Variants in KRTAP24-1 observed in about 807,000 individuals in gnomAD.
KRTAP24-1 encodes the protein keratin associated protein 24-1, also known as keratin-associated protein 24-1.
For synonymous variants in KRTAP24-1, 133 were observed against 116.3 expected (o/e 1.14, Z -0.92); for missense variants, 344 against 303.2 (o/e 1.13, Z -1.00).
chr21:30,282,347 T>A lies in KRTAP24-1; in HGVS notation c.586A>T (p.Asn196Tyr). The A allele has an allele frequency of 1.9e-6, 3 of 1,614,164 alleles. No homozygotes were observed. Among genetic ancestry groups the A allele is most frequent in the East Asian group, 2.2e-5 (1 of 44,870 alleles). Residue 196 changes from asparagine (N) to tyrosine (Y), a missense_variant, in exon 1 of 1, where the codon AAC (asparagine) becomes TAC (tyrosine). Transcript: ENST00000340345. ...AAATAGCTTTGGGGTTGGCAGCTGT[T>A]GGAAATATAACATAATGGTGAGACG... is the stretch of plus-strand genomic sequence containing the variant. ...SYVSPLCYIS[N>Y]SCQPQSYLVR... is the part of the protein sequence containing the mutation.
Position 30,282,512 on chromosome 21 carries a change from C to T in KRTAP24-1, c.421G>A (p.Ala141Thr), listed in dbSNP as rs201746621. 9.5e-5 allele frequency: 154 copies of T among 1,613,408 alleles called. No individual in the cohort carries two copies. The African/African-American group carries it at 1.4e-3, about 15-fold the overall frequency. Residue 141 changes from alanine (A) to threonine (T), a missense_variant, in exon 1 of 1, where the codon GCC becomes ACC. By Grantham distance (58) the Ala-to-Thr change is moderately conservative. Transcript: ENST00000340345. ...GAACCGTTGCGGAGGGTTTGGCAGG[C>T]TTTGGATGCATTTCGAGTGGGTATG... ...CHIPTRNASK[A>T]CQTLRNGSNC...
chr21:30,282,740 AG>A, the KRTAP24-1 span: 1 of 1,614,052 alleles, frequency 6.2e-7, no homozygotes, highest in Non-Finnish European at 8.5e-7. Context: ...GCTTCACCGT[AG>A]GATTCTTGGC....
Position 30,282,620 on chromosome 21 carries a change from T to C in KRTAP24-1, c.313A>G (p.Ser105Gly). 1 of 1,589,096 alleles carries C rather than the reference T, an allele frequency of 6.3e-7. No individual in the cohort carries two copies. The highest frequency in any genetic ancestry group is 1.3e-5 in the African/African-American group (1 of 74,526). Residue 105 changes from serine (S) to glycine (G), a missense_variant, in exon 1 of 1, where the codon AGT becomes GGT. By Grantham distance (56) the Ser-to-Gly change is moderately conservative. Coordinates refer to ENST00000340345, the MANE Select transcript of KRTAP24-1 (RefSeq NM_001085455.3). ...CNSPSAGQVF[S>G]VCETTNVSPS... ...CTGACGTTGGTAGTTTCACAGACAC[T>C]GAAGACTTGGCCTGCTGATGGGGAG...
Position 30,282,144 on chromosome 21 carries a change from G to T in KRTAP24-1, c.*24C>A. On this transcript the variant is annotated 3_prime_UTR_variant, in exon 1 of 1. Coordinates refer to ENST00000340345, the MANE Select transcript of KRTAP24-1 (RefSeq NM_001085455.3). ...AATCTTCCCCATTGGGCAATTTCCA[G>T]CTGCTATAAATTCTGGAAGTTGGTC... The T allele has an allele frequency of 6.3e-7, 1 of 1,587,436 alleles. No individual in the cohort carries two copies.
chr21:30,282,029 C>T lies in KRTAP24-1; in HGVS notation c.*139G>A. On this transcript the variant is annotated 3_prime_UTR_variant, in exon 1 of 1. Coordinates refer to ENST00000340345, the MANE Select transcript of KRTAP24-1 (RefSeq NM_001085455.3). Reference sequence around the variant, plus strand: ...GGTGATACTGGCTGTGGTTAATAAACCTGGGAGTTGTATTTGAACTTAATG... The same window carrying T: ...GGTGATACTGGCTGTGGTTAATAAATCTGGGAGTTGTATTTGAACTTAATG... The T allele has an allele frequency of 5.8e-6, 5 of 860,282 alleles. No homozygotes were observed. The South Asian group carries it at 7.2e-5, about 12-fold the overall frequency. The allele number at this position is 860,282 out of a possible 1,614,324, so 53.3% of individuals were successfully genotyped here. A position where few individuals can be genotyped will look rare whatever the true frequency, so the allele number is the denominator to read the frequency against.
Position 30,282,724 on chromosome 21 carries a change from G to A in KRTAP24-1, c.209C>T (p.Thr70Ile). 1 of 1,613,926 alleles carries A rather than the reference G, an allele frequency of 6.2e-7. No homozygotes were observed. ...GGGCTCACAGCTGGGAGATTTGCAGGTTGGTGCTTCACCGTAGGATTCTTG... is the reference window on the plus strand; with the variant it reads ...GGGCTCACAGCTGGGAGATTTGCAGATTGGTGCTTCACCGTAGGATTCTTG... ...YCQESYGEAP[T>I]CKSPSCEPKT... Residue 70 changes from threonine (T) to isoleucine (I), a missense_variant, in exon 1 of 1, where the codon ACC (threonine) becomes ATC (isoleucine). Coordinates refer to ENST00000340345, the MANE Select transcript of KRTAP24-1 (RefSeq NM_001085455.3).
Position 30,281,991 on chromosome 21 carries a change from A to C in KRTAP24-1, c.*177T>G. 1.6e-6 allele frequency: 1 copy of C among 623,064 alleles called. No individual in the cohort carries two copies. Among genetic ancestry groups the C allele is most frequent in the Admixed American group, 3.2e-5 (1 of 31,452 alleles). The allele number at this position is 623,064 out of a possible 1,614,324, so 38.6% of individuals were successfully genotyped here. On this transcript the variant is annotated 3_prime_UTR_variant, in exon 1 of 1. Transcript: ENST00000340345. ...GAGCAATAACAGAACAACAGAAAAA[A>C]GAAAACCTAGCAGGTGATACTGGCT...
Position 30,282,685 on chromosome 21 carries a change from G to C in KRTAP24-1, c.248C>G (p.Thr83Ser), listed in dbSNP as rs1980751494. The change falls in exon 1 of 1, where the codon ACC (threonine) becomes AGC (serine). Residue 83 changes from threonine (T) to serine (S), a missense_variant. Coordinates refer to ENST00000340345, the MANE Select transcript of KRTAP24-1 (RefSeq NM_001085455.3). ...GGAGTTTGACGGGTCACAACCAGTG[G>C]TACTGCAGGTCTTGGGCTCACAGCT... is the stretch of plus-strand genomic sequence containing the variant. Reference protein sequence around the residue: ...SPSCEPKTCSTTGCDPSNSSV... With the variant: ...SPSCEPKTCSSTGCDPSNSSV... The C allele has an allele frequency of 6.2e-7, 1 of 1,611,080 alleles. No homozygotes were observed. Among genetic ancestry groups the C allele is most frequent in the African/African-American group, 1.3e-5 (1 of 74,892 alleles).
rs954859704 is a variant in KRTAP24-1, at chr21:30,281,966, G to C, written c.*202C>G. ...CTTCAGGGTCAGCTTTTAGTACAAAGAGCAATAACAGAACAACAGAAAAAA... is the reference window on the plus strand; with the variant it reads ...CTTCAGGGTCAGCTTTTAGTACAAACAGCAATAACAGAACAACAGAAAAAA... On this transcript the variant is annotated 3_prime_UTR_variant, in exon 1 of 1. Transcript: ENST00000340345. 75 of 568,714 alleles carry C rather than the reference G, an allele frequency of 1.3e-4. No individual in the cohort carries two copies. The highest frequency in any genetic ancestry group is 4.6e-4 in the Middle Eastern group (1 of 2,184). The allele number at this position is 568,714 out of a possible 1,614,324, so 35.2% of individuals were successfully genotyped here. A position where few individuals can be genotyped will look rare whatever the true frequency, so the allele number is the denominator to read the frequency against.
Position 30,282,657 on chromosome 21 carries a change from A to G in KRTAP24-1, c.276T>C (p.Ser92=), listed in dbSNP as rs780691889. ...CTGCTGATGGGGAGTTGCAGGGCAC[A>G]GAGGAGTTTGACGGGTCACAACCAG... ...STTGCDPSNS[S]VPCNSPSAGQ... is the part of the protein sequence containing the mutation. The change falls in exon 1 of 1, where the codon TCT becomes TCC. Residue 92 remains serine, a synonymous_variant. Coordinates refer to ENST00000340345, the MANE Select transcript of KRTAP24-1 (RefSeq NM_001085455.3). The G allele has an allele frequency of 1.3e-5, 21 of 1,601,806 alleles. No homozygotes were observed. The highest frequency in any genetic ancestry group is 1.7e-5 in the Non-Finnish European group (20 of 1,173,960).
Position 30,282,843 on chromosome 21 carries a change from A to G in KRTAP24-1, c.90T>C (p.Ser30=), listed in dbSNP as rs748672020. 6.2e-7 allele frequency: 1 copy of G among 1,613,928 alleles called. No homozygotes were observed. Among genetic ancestry groups the G allele is most frequent in the South Asian group, 1.1e-5 (1 of 91,082 alleles). Residue 30 remains serine, a synonymous_variant, in exon 1 of 1, where the codon TCT becomes TCC. Coordinates refer to ENST00000340345, the MANE Select transcript of KRTAP24-1 (RefSeq NM_001085455.3). ...YRTHCYIPVT[S]SVTLSSSDLS... ...AATCACTGGAGCTAAGAGTAACAGA[A>G]GAGGTCACTGGGATATAACAGTGAG...
At position 30,281,606 on chromosome 21, in the gene KRTAP24-1, C is replaced by T. The variant is rs1441485873; in HGVS notation, c.*562G>A. 1 of 152,404 alleles carries T rather than the reference C, an allele frequency of 6.6e-6. No homozygotes were observed. The highest frequency in any genetic ancestry group is 1.9e-4 in the East Asian group (1 of 5,202). The allele number at this position is 152,404 out of a possible 1,614,324, so 9.4% of individuals were successfully genotyped here. A position where few individuals can be genotyped will look rare whatever the true frequency, so the allele number is the denominator to read the frequency against. ...TATTTTTGAGCTCTAGTCACCATTG[C>T]TATTTGCCTGTTCTTACAATCAATC... On this transcript the variant is annotated 3_prime_UTR_variant, in exon 1 of 1. Transcript: ENST00000340345.
In KRTAP24-1 at chr21:30,282,457, G is replaced by A; in HGVS notation, c.476C>T (p.Ser159Phe). ...SNCFGQLNCL[S>F]KSFQTLNHCR... The stretch of plus-strand genomic sequence containing the variant: ...GTGGTTTAGAGTTTGGAAACTCTTG[G>A]ATAAGCAGTTAAGTTGTCCAAAGCA... Residue 159 changes from serine (S) to phenylalanine (F), a missense_variant, in exon 1 of 1, where the codon TCC (serine) becomes TTC (phenylalanine). Ser to Phe is a radical substitution (Grantham distance 155). Coordinates refer to ENST00000340345, the MANE Select transcript of KRTAP24-1 (RefSeq NM_001085455.3). The A allele has an allele frequency of 6.2e-7, 1 of 1,614,178 alleles. No homozygotes were observed. The highest frequency in any genetic ancestry group is 8.5e-7 in the Non-Finnish European group (1 of 1,180,012).
chr21:30,282,364 G>T lies in KRTAP24-1; in HGVS notation c.569C>A (p.Pro190Gln), dbSNP rs1292246129. Residue 190 changes from proline (P) to glutamine (Q), a missense_variant, in exon 1 of 1, where the codon CCA (proline) becomes CAA (glutamine). Pro to Gln is a moderately conservative substitution (Grantham distance 76). Transcript: ENST00000340345. Reference protein sequence around the residue: ...NPCFIPSYVSPLCYISNSCQP... With the variant: ...NPCFIPSYVSQLCYISNSCQP... ...GCAGCTGTTGGAAATATAACATAAT[G>T]GTGAGACGTAGCTGGGTATGAAGCA... is the stretch of plus-strand genomic sequence containing the variant. 1 of 1,614,100 alleles carries T rather than the reference G, an allele frequency of 6.2e-7. No homozygotes were observed. The highest frequency in any genetic ancestry group is 8.5e-7 in the Non-Finnish European group (1 of 1,180,010).
rs752843098 is a variant in KRTAP24-1, at chr21:30,282,581, A to AGCTGGG, written c.346_351dup (p.Pro116_Ser117dup). The AGCTGGG allele has an allele frequency of 3.8e-6, 6 of 1,593,798 alleles. No individual in the cohort carries two copies. The South Asian group carries it at 6.9e-5, about 18-fold the overall frequency. The stretch of plus-strand genomic sequence containing the variant: ...CCATTGGTCTGGGTGCTTGGGCTGC[A>AGCTGGG]GCTGGGGCTGGGGCTGACGTTGGTA... On this transcript the variant is annotated inframe_insertion, in exon 1 of 1. Coordinates refer to ENST00000340345, the MANE Select transcript of KRTAP24-1 (RefSeq NM_001085455.3).
In KRTAP24-1 at chr21:30,282,481, C is replaced by T; in HGVS notation, c.452G>A (p.Cys151Tyr). ...GGATAAGCAGTTAAGTTGTCCAAAG[C>T]AGTTGGAACCGTTGCGGAGGGTTTG... ...ACQTLRNGSN[C>Y]FGQLNCLSKS... Residue 151 changes from cysteine (C) to tyrosine (Y), a missense_variant, in exon 1 of 1, where the codon TGC becomes TAC. Coordinates refer to ENST00000340345, the MANE Select transcript of KRTAP24-1 (RefSeq NM_001085455.3). 1 of 1,614,106 alleles carries T rather than the reference C, an allele frequency of 6.2e-7. No homozygotes were observed. Among genetic ancestry groups the T allele is most frequent in the Non-Finnish European group, 8.5e-7 (1 of 1,179,986 alleles).
the KRTAP24-1 span, chr21:30,282,357 A>T: frequency 6.2e-7 from 1 of 1,614,164 alleles, no homozygotes; most frequent in Admixed American, 1.7e-5. Context: ...TGGAAATATA[A>T]CATAATGGTG....
rs897949922 is a variant in KRTAP24-1 at position 30,282,859 on chromosome 21, T to C, written c.74A>G (p.Tyr25Cys). 1.2e-6 allele frequency: 2 copies of C among 1,613,786 alleles called. No homozygotes were observed. Among genetic ancestry groups the C allele is most frequent in the Non-Finnish European group, 1.7e-6 (2 of 1,179,744 alleles). ...AGTAACAGAAGAGGTCACTGGGATATAACAGTGAGTTCTGTATGATGTGGT... is the reference window on the plus strand; with the variant it reads ...AGTAACAGAAGAGGTCACTGGGATACAACAGTGAGTTCTGTATGATGTGGT... ...CSTTSYRTHC[Y>C]IPVTSSVTLS... Residue 25 changes from tyrosine to cysteine, a missense_variant, in exon 1 of 1, where the codon TAT becomes TGT. Physicochemically the swap from Tyr to Cys is radical, Grantham distance 194. Coordinates refer to ENST00000340345, the MANE Select transcript of KRTAP24-1 (RefSeq NM_001085455.3).
In KRTAP24-1 at chr21:30,282,295, T is replaced by C. The variant is rs1233400572; in HGVS notation, c.638A>G (p.Tyr213Cys). Residue 213 changes from tyrosine (Y) to cysteine (C), a missense_variant, in exon 1 of 1, where the codon TAC becomes TGC. Tyr to Cys is a radical substitution (Grantham distance 194, BLOSUM62 -2). Coordinates refer to ENST00000340345, the MANE Select transcript of KRTAP24-1 (RefSeq NM_001085455.3). ...YLVRNYHYSSYRPTSCRPLSY... is the reference protein window; with the variant it reads ...YLVRNYHYSSCRPTSCRPLSY... ...CAGTGGTCGGCAGCTCGTAGGCCTGTAGCTTGAATAGTGATAATTTCTCAC... is the reference window on the plus strand; with the variant it reads ...CAGTGGTCGGCAGCTCGTAGGCCTGCAGCTTGAATAGTGATAATTTCTCAC... 1 of 1,614,146 alleles carries C rather than the reference T, an allele frequency of 6.2e-7. No individual in the cohort carries two copies. Among genetic ancestry groups the C allele is most frequent in the Non-Finnish European group, 8.5e-7 (1 of 1,180,008 alleles).
Sources: gnomAD v4.1 joint callset for allele counts on GRCh38, gnomAD v4.1.1 for gene constraint, MANE v1.5 for transcripts, NCBI Gene and HGNC (gene_info 2026-07-23, HGNC 2026-07-21) for gene names.